Variants in ADAMTS3 observed in about 807,000 individuals in gnomAD.
ADAMTS3 encodes the protein ADAM metallopeptidase with thrombospondin type 1 motif 3, also known as A disintegrin and metalloproteinase with thrombospondin motifs 3.
ADAMTS3 carries 73 observed loss-of-function variants against 129.0 expected under a neutral mutation model. That is an observed-to-expected ratio of 0.57 (90% CI 0.47 to 0.69). ADAMTS3 has a LOEUF of 0.69. Among genes scored for constraint, ADAMTS3 ranks in the 30% least tolerant of loss-of-function variants. The probability of loss-of-function intolerance (pLI) is 0.00; values close to 1 mark genes in which losing one functional copy is unlikely to be tolerated. For missense variants in ADAMTS3, 1,457 were observed against 1,514.5 expected, an observed-to-expected ratio of 0.96 and a Z score of 0.63; for synonymous variants, 477 against 510.8, an observed-to-expected ratio of 0.93 and a Z score of 0.89.
chr4:72,334,854 C>A (rs2109826427), intron 5 of ADAMTS3, among the ~76,000 whole-genome samples: 1 of 152,052 alleles, frequency 6.6e-6, no homozygotes, highest in South Asian at 2.1e-4. Flanking sequence ...ATGTTCATAT[C>A]CATGTGTTTC....
chr4:72,348,622 A>T (rs1720349012), intron 4 of ADAMTS3, among the ~76,000 whole-genome samples: 1 of 152,046 alleles, frequency 6.6e-6, no homozygotes. Flanking sequence ...AGATAGAAAC[A>T]TTATCCAGGT....
At chr4:72,527,849 C>A (rs931499683) in intron 3 of ADAMTS3, among the ~76,000 whole-genome samples, 9 of 152,126 alleles carry the variant, frequency 5.9e-5, no homozygotes, top group Non-Finnish European at 1.2e-4. Context: ...ATTCATCCAA[C>A]TAAGAATCCT....
At chr4:72,338,134 T>C (rs1720037472) in intron 5 of ADAMTS3, among the ~76,000 whole-genome samples, 1 of 152,116 alleles carries the variant, frequency 6.6e-6, no homozygotes, top group Admixed American at 6.6e-5. Context: ...TTTACACACT[T>C]CATCCTCTCA....
In ADAMTS3 at chr4:72,323,039, C is replaced by A. The variant is rs767858822; in HGVS notation, c.920G>T (p.Arg307Leu). ...LGVHINVVLV[R>L]MIMLGYAKSI... ...CTTTGCATATCCCAGCATTATCATG[C>A]GCACCAGGACCACATTTATATGCAC... Residue 307 changes from arginine (R) to leucine (L), a missense_variant, in exon 6 of 22, where the codon CGC becomes CTC. By Grantham distance (102) the Arg-to-Leu change is moderately radical. Coordinates refer to ENST00000286657, the MANE Select transcript of ADAMTS3 (RefSeq NM_014243.3). 6.2e-7 allele frequency: 1 copy of A among 1,613,130 alleles called. No homozygotes were observed. Among genetic ancestry groups the A allele is most frequent in the Non-Finnish European group, 8.5e-7 (1 of 1,179,482 alleles).
chr4:72,428,430 T>A (rs1260150979), intron 3 of ADAMTS3, among the ~76,000 whole-genome samples: 2 of 152,204 alleles, frequency 1.3e-5, no homozygotes, highest in Admixed American at 1.3e-4. Flanking sequence ...TATTAGGATG[T>A]GCAAGAAAAC....
At chr4:72,355,646 G>A (rs144677553) in intron 4 of ADAMTS3, among the ~76,000 whole-genome samples, 1 of 152,124 alleles carries the variant, frequency 6.6e-6, no homozygotes, top group Non-Finnish European at 1.5e-5. Context: ...TCCATCATGT[G>A]AGGATGCAGC....
At chr4:72,284,645 A>C (rs2109763235) in intron 21 of ADAMTS3, among the ~76,000 whole-genome samples, 1 of 152,290 alleles carries the variant, frequency 6.6e-6, no homozygotes, top group South Asian at 2.1e-4. Flanking sequence ...ACACTCATAA[A>C]ATGTAATTTC....
At chr4:72,300,122 T>C (rs1008279960) in intron 17 of ADAMTS3, among the ~76,000 whole-genome samples, 1 of 152,090 alleles carries the variant, frequency 6.6e-6, no homozygotes, top group Non-Finnish European at 1.5e-5. Flanking sequence ...TCTTTTTTTT[T>C]AAAACAGCAT....
intron 5 of ADAMTS3, among the ~76,000 whole-genome samples, chr4:72,325,535 C>A (rs1719677219): frequency 1.3e-5 from 2 of 152,072 alleles, no homozygotes; most frequent in African/African-American, 4.8e-5. Flanking sequence ...CTTTGCACAC[C>A]AAGTTATAAC....
intron 4 of ADAMTS3, among the ~76,000 whole-genome samples, chr4:72,366,584 T>G (rs939941066): frequency 1.2e-4 from 19 of 152,076 alleles, no homozygotes; most frequent in African/African-American, 4.6e-4. Flanking sequence ...TTTAGAAAAA[T>G]TATTATATGC....
chr4:72,383,952 A>G (rs1037451928), intron 4 of ADAMTS3, among the ~76,000 whole-genome samples: 1 of 152,022 alleles, frequency 6.6e-6, no homozygotes, highest in African/African-American at 2.4e-5. Flanking sequence ...AGCAAGTAGA[A>G]AAGCTCAACA....
At chr4:72,534,321 C>T (rs907404921) in intron 3 of ADAMTS3, among the ~76,000 whole-genome samples, 8 of 149,370 alleles carry the variant, frequency 5.4e-5, no homozygotes, top group South Asian at 2.1e-4. Flanking sequence ...AGCGAGACTC[C>T]GTCTCAAAAA....
chr4:72,422,284 C>A (rs1722465774), intron 3 of ADAMTS3, among the ~76,000 whole-genome samples: 1 of 151,796 alleles, frequency 6.6e-6, no homozygotes, highest in African/African-American at 2.4e-5. Context: ...AATTGGCATA[C>A]AATATCAAGA....
chr4:72,527,199 G>A (rs1219186743), intron 3 of ADAMTS3, among the ~76,000 whole-genome samples: 1 of 152,028 alleles, frequency 6.6e-6, no homozygotes, highest in Non-Finnish European at 1.5e-5. Flanking sequence ...TTCTCAAAAT[G>A]GGCTTGACAG....
intron 3 of ADAMTS3, among the ~76,000 whole-genome samples, chr4:72,547,685 C>T (rs1721501402): frequency 6.6e-6 from 1 of 151,936 alleles, no homozygotes; most frequent in African/African-American, 2.4e-5. Flanking sequence ...AAAATAAATA[C>T]AATTTGATAA....
rs761294089 is a variant in ADAMTS3, at chr4:72,525,544, G to A, written c.504+22934C>T. On this transcript the variant is annotated intron_variant, in intron 3 of 21. Coordinates refer to ENST00000286657, the MANE Select transcript of ADAMTS3 (RefSeq NM_014243.3). ...GAATACATGTGCTCACCTTCTTTTC[G>A]CCTCACCCTCCAAAGAAAAAAAATG... 3.3e-5 allele frequency among the ~76,000 whole-genome samples: 5 copies of A among 151,910 alleles called. No homozygotes were observed. The East Asian group carries it at 5.8e-4, about 18-fold the overall frequency.
intron 3 of ADAMTS3, among the ~76,000 whole-genome samples, chr4:72,520,553 C>T (rs1720637380): frequency 6.6e-6 from 1 of 152,204 alleles, no homozygotes; most frequent in Non-Finnish European, 1.5e-5. Context: ...TGGCGGGCGC[C>T]CCTCCCCCAG....
chr4:72,336,891 A>G (rs533819207), intron 5 of ADAMTS3, among the ~76,000 whole-genome samples: 1 of 151,760 alleles, frequency 6.6e-6, no homozygotes, highest in Admixed American at 6.6e-5. Context: ...AAAAGTCTAC[A>G]GACATTGCCA....
At chr4:72,415,460 C>A (rs1722280733) in intron 3 of ADAMTS3, among the ~76,000 whole-genome samples, 1 of 151,940 alleles carries the variant, frequency 6.6e-6, no homozygotes, top group Non-Finnish European at 1.5e-5. Context: ...ATGCTACCTT[C>A]AGTATGTAAA....
Sources: allele counts gnomAD v4.1 joint callset (sites outside exome capture counted in the v4.1 genomes callset), GRCh38; gene constraint gnomAD v4.1.1; transcripts MANE v1.5; gene names NCBI Gene and HGNC (gene_info 2026-07-23, HGNC 2026-07-21).